Variants in CRLF2 observed in about 807,000 individuals in gnomAD.
CRLF2 encodes cytokine receptor like factor 2, also known as cytokine receptor-like factor 2.
A neutral mutation model predicts 38.7 loss-of-function variants in CRLF2; 41 were observed. That is an observed-to-expected ratio of 1.06 (90% CI 0.83 to 1.37). The LOEUF is 1.37. Among genes scored for constraint, CRLF2 ranks in the 40% most tolerant of loss-of-function variants. The pLI, the probability that CRLF2 is intolerant of heterozygous loss-of-function variation, is 0.00. For synonymous variants in CRLF2, 140 were observed against 128.8 expected (o/e 1.09, Z -0.59); for missense variants, 377 against 322.2 (o/e 1.17, Z -1.30).
chrX:1,204,979 C>T (rs1416242515), intron 3 of CRLF2, among the ~76,000 whole-genome samples: 7 of 151,498 alleles, frequency 4.6e-5, no homozygotes, highest in Non-Finnish European at 7.4e-5. Context: ...GCCACCAGCC[C>T]GGCTAATTTT....
rs574335871 is a variant in CRLF2, at chrX:1,197,621, C to G, written c.647-721G>C. Among the ~76,000 whole-genome samples the G allele has an allele frequency of 6.6e-5, 10 of 151,996 alleles. No homozygotes were observed. In the South Asian group the frequency reaches 2.1e-3, roughly 32 times the overall value. ...ACAAGGTCAGGAGTTCGAGACCAGCCTGGCCAATATGGGGAAACGCCATCC... is the reference window on the plus strand; with the variant it reads ...ACAAGGTCAGGAGTTCGAGACCAGCGTGGCCAATATGGGGAAACGCCATCC... On this transcript the variant is annotated intron_variant, in intron 5 of 7. Transcript: ENST00000400841.
Position 1,198,675 on chromosome X carries a change from T to TCGG in CRLF2, c.530_532dup (p.Ala177dup). On this transcript the variant is annotated inframe_insertion, in exon 5 of 8. Transcript: ENST00000400841. ...CCTGACCCAGAAAGAGTAACACTTC[T>TCGG]CGGCATCCAAGCCTTCTATGGTGAC... The TCGG allele has an allele frequency of 6.2e-7, 1 of 1,613,356 alleles. No homozygotes were observed. The highest frequency in any genetic ancestry group is 8.5e-7 in the Non-Finnish European group (1 of 1,179,662).
At chrX:1,197,897 G>A (rs2086518042) in intron 5 of CRLF2, among the ~76,000 whole-genome samples, 1 of 152,024 alleles carries the variant, frequency 6.6e-6, no homozygotes, top group South Asian at 2.1e-4. Flanking sequence ...AGGCACTCGG[G>A]AGGCTGAGGC....
chrX:1,205,211 T>G (rs1206983168), intron 3 of CRLF2, among the ~76,000 whole-genome samples: 1 of 152,190 alleles, frequency 6.6e-6, no homozygotes. Context: ...CCAGTGTGCG[T>G]GTAAGAGGGA....
chrX:1,206,050 C>T (rs2086685447), intron 3 of CRLF2, among the ~76,000 whole-genome samples: 2 of 151,670 alleles, frequency 1.3e-5, no homozygotes, highest in Admixed American at 1.3e-4. Context: ...GATTGCTTTT[C>T]GGTACTTACG....
chrX:1,198,118 A>AC (rs1305074465), intron 5 of CRLF2, among the ~76,000 whole-genome samples: 1 of 151,384 alleles, frequency 6.6e-6, no homozygotes, highest in Admixed American at 6.6e-5. Context: ...GCTCAGACAC[A>AC]CCCTCCTGGG....
In CRLF2 at chrX:1,206,619, C is replaced by A; in HGVS notation, c.183-20G>T. ...TTGAATCTGTGGTTTAAAACGATGACCATTCAGCAACAAAACAAAAAAGCA... is the reference window on the plus strand; with the variant it reads ...TTGAATCTGTGGTTTAAAACGATGAACATTCAGCAACAAAACAAAAAAGCA... On this transcript the variant is annotated intron_variant, in intron 2 of 7. Coordinates refer to ENST00000400841, the MANE Select transcript of CRLF2 (RefSeq NM_022148.4). 1.2e-6 allele frequency: 2 copies of A among 1,608,442 alleles called. No homozygotes were observed. Among genetic ancestry groups the A allele is most frequent in the Non-Finnish European group, 1.7e-6 (2 of 1,175,796 alleles).
chrX:1,191,538 T>A (rs2086381075), intron 7 of CRLF2, among the ~76,000 whole-genome samples: 1 of 151,046 alleles, frequency 6.6e-6, no homozygotes, highest in Non-Finnish European at 1.5e-5. Context: ...AAAATAAATT[T>A]TTTTTTTTTT....
At chrX:1,191,360 TC>T (rs1285315813) in intron 7 of CRLF2, among the ~76,000 whole-genome samples, 200 bp from the exon 8 acceptor site, 104 of 56,414 alleles carry the variant, frequency 1.8e-3, no homozygotes, top group East Asian at 5.9e-3. Flanking sequence ...TTTCTTTCTT[TC>T]CTTTCTTTCT....
intron 6 of CRLF2, among the ~76,000 whole-genome samples, chrX:1,194,772 C>T (rs1406797174): frequency 3.9e-5 from 6 of 152,162 alleles, no homozygotes; most frequent in African/African-American, 7.2e-5. Flanking sequence ...TGGCTCACGC[C>T]TGTCATCCCA....
rs755377227 is a variant in CRLF2, at chrX:1,206,644, A to G, written c.183-45T>C. 2.5e-6 allele frequency: 4 copies of G among 1,589,600 alleles called. No homozygotes were observed. The Admixed American group carries it at 5.1e-5, about 20-fold the overall frequency. On this transcript the variant is annotated intron_variant, in intron 2 of 7. Transcript: ENST00000400841. ...CCATTCAGCAACAAAACAAAAAAGC[A>G]TGTCTTATTTATTTAGAGATGGGGT... is the stretch of plus-strand genomic sequence containing the variant.
chrX:1,193,093 G>A (rs1418399586), intron 7 of CRLF2, 125 bp downstream of exon 7: 13 of 392,292 alleles, frequency 3.3e-5, no homozygotes, highest in Middle Eastern at 6.3e-4. Flanking sequence ...GATGACAGGC[G>A]TGAGCCACTG....
chrX:1,207,864 G>C (rs142388308), intron 2 of CRLF2, among the ~76,000 whole-genome samples: 1,895 of 152,136 alleles, frequency 0.012, 12 homozygotes, highest in Middle Eastern at 0.024. Context: ...TGGCCAGGAT[G>C]GTCTGGAACT....
Position 1,193,250 on chromosome X carries a change from C to T in CRLF2, c.820G>A (p.Gly274Arg), listed in dbSNP as rs1430221687. ...SVPDPKSIFPGLFEIHQGNFQ... is the reference protein window; with the variant it reads ...SVPDPKSIFPRLFEIHQGNFQ... The stretch of plus-strand genomic sequence containing the variant: ...TTCCCTTGGTGTATCTCAAAGAGCC[C>T]GGGGAAGATGGATTTCGGGTCTGGC... Residue 274 changes from glycine to arginine, a missense_variant, in exon 7 of 8, where the codon GGG becomes AGG. Gly to Arg is a moderately radical substitution (Grantham distance 125, BLOSUM62 -2). Transcript: ENST00000400841. 8 of 398,382 alleles carry T rather than the reference C, an allele frequency of 2.0e-5. No homozygotes were observed. The highest frequency in any genetic ancestry group is 3.5e-5 in the Non-Finnish European group (8 of 226,172). 24.7% of individuals were successfully genotyped at this position (398,382 alleles called of 1,614,324 possible). A position where few individuals can be genotyped will look rare whatever the true frequency, so the allele number is the denominator to read the frequency against.
chrX:1,207,073 G>A (rs1440647698), intron 2 of CRLF2, among the ~76,000 whole-genome samples: 1 of 150,858 alleles, frequency 6.6e-6, no homozygotes, highest in African/African-American at 2.4e-5. Context: ...TGCCTCCTGA[G>A]TAGCTGGGAT....
chrX:1,209,006 T>C (rs1310282297), intron 1 of CRLF2, 98 bp from the exon 2 acceptor site: 6 of 745,828 alleles, frequency 8.0e-6, no homozygotes, highest in South Asian at 1.9e-5. Context: ...CTCACTCTGT[T>C]GCCCAGGCTG....
At chrX:1,194,293 A>G (rs1431420433) in intron 6 of CRLF2, among the ~76,000 whole-genome samples, 1 of 151,496 alleles carries the variant, frequency 6.6e-6, no homozygotes, top group African/African-American at 2.4e-5. Flanking sequence ...CCGTCTCAAA[A>G]AAAACAAAAT....
intron 6 of CRLF2, among the ~76,000 whole-genome samples, chrX:1,194,890 G>C (rs2086450533): frequency 2.6e-5 from 4 of 152,070 alleles, no homozygotes; most frequent in Admixed American, 2.0e-4. Context: ...AAATTAGCCA[G>C]GTGTGGTGGC....
At chrX:1,193,398 C>G (rs2086427255) in intron 6 of CRLF2, 96 bp from the exon 7 acceptor site, 3 of 397,640 alleles carry the variant, frequency 7.5e-6, no homozygotes, top group Non-Finnish European at 8.9e-6. Flanking sequence ...AGGGACAGAC[C>G]AAGAATGGCA....
Sources: gnomAD v4.1 joint callset for allele counts (sites outside exome capture counted in the v4.1 genomes callset) on GRCh38, gnomAD v4.1.1 for gene constraint, MANE v1.5 for transcripts, NCBI Gene and HGNC (gene_info 2026-07-23, HGNC 2026-07-21) for gene names.